The following COX7A2 variants were observed in gnomAD, a reference collection of about 807,000 sequenced individuals.
COX7A2 encodes cytochrome c oxidase subunit 7A2.
In COX7A2, 11 loss-of-function variants were observed where a neutral mutation model predicts 11.6. The observed-to-expected ratio is 0.95, with a 90% CI of 0.60 to 1.57. COX7A2 has a LOEUF of 1.57. Among genes scored for constraint, COX7A2 ranks in the 40% most tolerant of loss-of-function variants. The pLI is 0.00. For synonymous variants in COX7A2, 30 were observed against 38.2 expected (o/e 0.78, Z 0.79); for missense variants, 106 against 100.9 (o/e 1.05, Z -0.22).
At chr6:75,243,943 C>A (rs946169664), upstream of COX7A2, 1 of 910,628 alleles carries the variant, frequency 1.1e-6, no homozygotes, top group African/African-American at 1.7e-5. Context: ...GGCTCGCCGT[C>A]TCAGTCCCGT....
intron 2 of COX7A2, 138 bp downstream of exon 2, chr6:75,241,038 T>C (rs539324489): frequency 3.6e-6 from 4 of 1,111,450 alleles, no homozygotes; most frequent in East Asian, 5.0e-5. Flanking sequence ...ATTAGCACTA[T>C]GGTACATGTC....
At chr6:75,250,134 T>C (rs1771758030) in exon 1 of COX7A2, 1 of 152,244 alleles carries the variant, frequency 6.6e-6, no homozygotes, top group Non-Finnish European at 1.5e-5. Flanking sequence ...ATTCCTGTTT[T>C]GACCTTATTA....
At chr6:75,247,595 T>C (rs899797732), upstream of COX7A2, among the ~76,000 whole-genome samples, 1 of 23,376 alleles carries the variant, frequency 4.3e-5, no homozygotes, top group Non-Finnish European at 1.5e-4. Flanking sequence ...ATCATTAAAC[T>C]TTAGTTAGAC....
In COX7A2 at chr6:75,237,969, A is replaced by G. The variant is rs141924440; in HGVS notation, c.213T>C (p.Tyr71=). 3 of 1,603,208 alleles carry G rather than the reference A, an allele frequency of 1.9e-6. No individual in the cohort carries two copies. Among genetic ancestry groups the G allele is most frequent in the African/African-American group, 2.7e-5 (2 of 74,814 alleles). The part of the protein sequence containing the change: ...LTVGGTAYAI[Y]ELAVASFPKK... The stretch of plus-strand genomic sequence containing the variant: ...TGGGAAATGAAGCCACAGCCAGCTC[A>G]TATATGGCATATGCTGTTCCTAAAA... Residue 71 remains tyrosine, a synonymous_variant, in exon 4 of 4, where the codon TAT becomes TAC. Transcript: ENST00000684430.
chr6:75,241,016 G>A (rs975722895), intron 2 of COX7A2, 160 bp downstream of exon 2: 2 of 850,770 alleles, frequency 2.4e-6, no homozygotes, highest in Non-Finnish European at 3.3e-6. Flanking sequence ...CTTTCCCCAA[G>A]AGACAACCAC....
At chr6:75,241,080 T>C in intron 2 of COX7A2, 96 bp downstream of exon 2, 1 of 1,425,384 alleles carries the variant, frequency 7.0e-7, no homozygotes, top group Non-Finnish European at 9.5e-7. Context: ...TATATTGTCA[T>C]ATGATCTAAT....
At chr6:75,246,632 A>C (rs561123898), upstream of COX7A2, among the ~76,000 whole-genome samples, 8 of 152,366 alleles carry the variant, frequency 5.3e-5, no homozygotes, top group Admixed American at 2.0e-4. Flanking sequence ...GCACATAGAA[A>C]ATGCTCAATA....
intron 3 of COX7A2, among the ~76,000 whole-genome samples, chr6:75,238,577 G>A (rs1434850493): frequency 6.6e-6 from 1 of 151,542 alleles, no homozygotes; most frequent in Non-Finnish European, 1.5e-5. Context: ...GGTGGTGCAT[G>A]CCTGTAATCC....
rs576647071 is a variant in COX7A2, at chr6:75,237,879, C to T, written c.*51G>A. On this transcript the variant is annotated 3_prime_UTR_variant, in exon 4 of 4. Coordinates refer to ENST00000684430, the MANE Select transcript of COX7A2 (RefSeq NM_001366293.2). ...CTCGGTTATTTATCAGATTACTGGT[C>T]CATAGAGAGCTGAATGAAACTGAAC... 7.2e-7 allele frequency: 1 copy of T among 1,387,466 alleles called. No homozygotes were observed. Among genetic ancestry groups the T allele is most frequent in the Admixed American group, 1.7e-5 (1 of 58,286 alleles). The allele number at this position is 1,387,466 out of a possible 1,614,324, so 85.9% of individuals were successfully genotyped here.
intron 3 of COX7A2, among the ~76,000 whole-genome samples, chr6:75,238,621 T>C (rs1333340361): frequency 1.4e-5 from 2 of 145,920 alleles, no homozygotes; most frequent in African/African-American, 5.1e-5. Flanking sequence ...GGAGAATTGC[T>C]TGAACCTGGG....
chr6:75,237,972 T>A lies in COX7A2; in HGVS notation c.210A>T (p.Ile70=), dbSNP rs562289269. Residue 70 remains isoleucine (I), a synonymous_variant, in exon 4 of 4, where the codon ATA becomes ATT. Transcript: ENST00000684430. ...GAAATGAAGCCACAGCCAGCTCATA[T>A]ATGGCATATGCTGTTCCTAAAAATA... The part of the protein sequence containing the change: ...ILTVGGTAYA[I]YELAVASFPK... 1 of 1,602,942 alleles carries A rather than the reference T, an allele frequency of 6.2e-7. No individual in the cohort carries two copies. Among genetic ancestry groups the A allele is most frequent in the South Asian group, 1.1e-5 (1 of 89,912 alleles).
At chr6:75,246,411 A>G (rs1208536546), upstream of COX7A2, among the ~76,000 whole-genome samples, 1 of 152,228 alleles carries the variant, frequency 6.6e-6, no homozygotes, top group Non-Finnish European at 1.5e-5. Context: ...ACTTCTCATT[A>G]TCTCCAACAG....
intron 1 of COX7A2, among the ~76,000 whole-genome samples, chr6:75,249,685 T>C (rs890031690): frequency 1.3e-5 from 2 of 152,220 alleles, no homozygotes; most frequent in African/African-American, 4.8e-5. Context: ...TCTTGGGGAA[T>C]TGCAAATGGT....
intron 1 of COX7A2, 31 bp from the exon 2 acceptor site, chr6:75,241,296 G>A (rs1434138054): frequency 2.7e-6 from 4 of 1,470,114 alleles, no homozygotes; most frequent in Middle Eastern, 1.9e-4. Flanking sequence ...AATAGACTTA[G>A]AGCCTAAAGA....
chr6:75,243,367 G>A (rs995443966), intron 1 of COX7A2, among the ~76,000 whole-genome samples: 1 of 151,968 alleles, frequency 6.6e-6, no homozygotes, highest in African/African-American at 2.4e-5. Context: ...TGATGCTTCC[G>A]GGTGTCAGAC....
chr6:75,237,786 G>C (rs760783838), downstream of COX7A2: 1 of 503,642 alleles, frequency 2.0e-6, no homozygotes, highest in Non-Finnish European at 3.5e-6. Context: ...ATCAGACAAA[G>C]CATGGTAAAG....
upstream of COX7A2, among the ~76,000 whole-genome samples, chr6:75,247,345 G>A (rs73747452): frequency 7.9e-3 from 1,195 of 152,142 alleles, 15 homozygotes; most frequent in African/African-American, 0.027. Context: ...GTGTGTGTGC[G>A]TACACACATC....
rs56897555 is a variant in COX7A2 at position 75,240,393 on chromosome 6, T to TAA, written c.109-10_109-9dup. The stretch of plus-strand genomic sequence containing the variant: ...TGGAATTTCATCATCCTCCTAGATT[T>TAA]AAAAAAAAAAAAAAAAGACAATAAT... On this transcript the variant is annotated splice_polypyrimidine_tract_variant and intron_variant, in intron 2 of 3. Coordinates refer to ENST00000684430, the MANE Select transcript of COX7A2 (RefSeq NM_001366293.2). 25,587 of 1,212,808 alleles carry TAA rather than the reference T, an allele frequency of 0.021. 32 individuals are homozygous for TAA. The highest frequency in any genetic ancestry group is 0.028 in the African/African-American group (1,754 of 61,872). The allele number at this position is 1,212,808 out of a possible 1,614,324, so 75.1% of individuals were successfully genotyped here.
chr6:75,242,813 C>T (rs1460250670), intron 1 of COX7A2, among the ~76,000 whole-genome samples: 1 of 148,892 alleles, frequency 6.7e-6, no homozygotes, highest in Non-Finnish European at 1.5e-5. Context: ...AGTGAGACTA[C>T]GTCTCAAAAA....
Sources: gnomAD v4.1 joint callset for allele counts (sites outside exome capture counted in the v4.1 genomes callset) on GRCh38, gnomAD v4.1.1 for gene constraint, MANE v1.5 for transcripts, NCBI Gene and HGNC (gene_info 2026-07-23, HGNC 2026-07-21) for gene names.